Variants in XIRP2 observed in about 807,000 individuals in gnomAD.
The protein encoded by XIRP2 is xin actin-binding repeat-containing protein 2.
A neutral mutation model predicts 277.0 loss-of-function variants in XIRP2; 236 were observed. The observed-to-expected ratio is 0.85, with a 90% confidence interval of 0.77 to 0.95. XIRP2 has a LOEUF of 0.95. Ranked by LOEUF, XIRP2 falls within the 40% of genes least tolerant of loss-of-function variation. The probability of loss-of-function intolerance (pLI) is 0.00; values close to 1 mark genes in which losing one functional copy is unlikely to be tolerated. For synonymous variants in XIRP2, 1,490 were observed against 1,416.5 expected, an observed-to-expected ratio of 1.05 and a Z score of -1.17; for missense variants, 4,640 against 4,157.5, an observed-to-expected ratio of 1.12 and a Z score of -3.19.
At chr2:167,188,876 A>G (rs1693241862) in intron 3 of XIRP2, among the ~76,000 whole-genome samples, 1 of 152,194 alleles carries the variant, frequency 6.6e-6, no homozygotes, top group South Asian at 2.1e-4. Flanking sequence ...AACCACCTGA[A>G]AAATAAAATG....
At chr2:166,897,746 C>A (rs1436501553) in intron 1 of XIRP2, among the ~76,000 whole-genome samples, 1 of 152,040 alleles carries the variant, frequency 6.6e-6, no homozygotes, top group Non-Finnish European at 1.5e-5. Context: ...CAGGCTAGAG[C>A]TGACCCAGAG....
intron 2 of XIRP2, among the ~76,000 whole-genome samples, chr2:167,052,479 AC>A (rs1479147032): frequency 1.3e-5 from 2 of 152,144 alleles, no homozygotes; most frequent in Non-Finnish European, 2.9e-5. Flanking sequence ...TAAGTGGTTT[AC>A]CCAACATCAG....
intron 2 of XIRP2, among the ~76,000 whole-genome samples, chr2:167,135,360 A>G (rs1691514120): frequency 6.6e-6 from 1 of 151,938 alleles, no homozygotes; most frequent in Non-Finnish European, 1.5e-5. Flanking sequence ...TTATCTCTTC[A>G]CCTTTAAATT....
At chr2:167,122,205 A>G in intron 2 of XIRP2, among the ~76,000 whole-genome samples, 1 of 152,164 alleles carries the variant, frequency 6.6e-6, no homozygotes. Flanking sequence ...AATTGTACAC[A>G]TGCACATAGG....
intron 2 of XIRP2, among the ~76,000 whole-genome samples, chr2:166,995,703 C>G (rs1341023522): frequency 1.3e-5 from 2 of 152,132 alleles, no homozygotes; most frequent in African/African-American, 4.8e-5. Flanking sequence ...AAGTAATTTT[C>G]AAACACAAAT....
At chr2:167,038,487 A>C (rs115698326) in intron 2 of XIRP2, among the ~76,000 whole-genome samples, 3,406 of 151,738 alleles carry the variant, frequency 0.022, 100 homozygotes, top group East Asian at 0.075. Context: ...ATTATCCTAC[A>C]TATTGACATT....
intron 3 of XIRP2, among the ~76,000 whole-genome samples, chr2:167,197,797 T>C (rs911983616): frequency 6.6e-6 from 1 of 152,154 alleles, no homozygotes. Context: ...CCTCCCCTTA[T>C]CTTCTACTTC....
At position 167,258,946 on chromosome 2, in the gene XIRP2, C is replaced by G; in HGVS notation, c.*1129C>G. The G allele has an allele frequency of 6.2e-7, 1 of 1,613,030 alleles. No homozygotes were observed. ...CTGTGCAGCCTGCTCCAAAACCAAG[C>G]CTCAGCAGAGGCCTTATGGTAAAGG... On this transcript the variant is annotated 3_prime_UTR_variant, in exon 11 of 11. Transcript: ENST00000409195.
chr2:166,951,905 C>T (rs998157572), intron 2 of XIRP2, among the ~76,000 whole-genome samples: 4 of 152,152 alleles, frequency 2.6e-5, no homozygotes, highest in East Asian at 1.9e-4. Flanking sequence ...TGAGCCTCTG[C>T]GTCTCCTATG....
chr2:167,186,553 T>C (rs1177984505), intron 3 of XIRP2, among the ~76,000 whole-genome samples: 1 of 152,190 alleles, frequency 6.6e-6, no homozygotes, highest in Non-Finnish European at 1.5e-5. Context: ...ACTGAGAATG[T>C]ATGAGATGTT....
chr2:167,148,323 A>G (rs1378285471), intron 3 of XIRP2, among the ~76,000 whole-genome samples: 1 of 151,672 alleles, frequency 6.6e-6, no homozygotes, highest in Non-Finnish European at 1.5e-5. Flanking sequence ...CAGAGGTTGC[A>G]GTGAGCCGAG....
In XIRP2 at chr2:167,075,798, T is replaced by C. The variant is rs192314724; in HGVS notation, c.409-60111T>C. Among the ~76,000 whole-genome samples, 644 of 150,606 alleles carry C rather than the reference T, an allele frequency of 4.3e-3. 5 individuals carry two copies. The highest frequency in any genetic ancestry group is 0.014 in the Middle Eastern group (4 of 290). On this transcript the variant is annotated intron_variant, in intron 2 of 10. Transcript: ENST00000409195. ...CTGGGATTACAGGCACCTGCCACCA[T>C]GCCCAGCTAATTTTTTTTTTTTTTT...
chr2:167,015,271 T>C (rs1448779819), intron 2 of XIRP2, among the ~76,000 whole-genome samples: 1 of 151,918 alleles, frequency 6.6e-6, no homozygotes, highest in Non-Finnish European at 1.5e-5. Flanking sequence ...ATATTACTGC[T>C]AGTCAACATA....
At chr2:166,969,778 G>A (rs1177974057) in intron 2 of XIRP2, among the ~76,000 whole-genome samples, 1 of 151,548 alleles carries the variant, frequency 6.6e-6, no homozygotes, top group Admixed American at 6.6e-5. Context: ...ATAAACTGAT[G>A]CCAGAAAGCA....
chr2:166,907,930 C>A (rs1684573617), intron 2 of XIRP2, among the ~76,000 whole-genome samples: 1 of 152,094 alleles, frequency 6.6e-6, no homozygotes, highest in Non-Finnish European at 1.5e-5. Flanking sequence ...TGTGTCCCTA[C>A]AAAGGACATG....
intron 3 of XIRP2, among the ~76,000 whole-genome samples, chr2:167,207,090 T>G (rs955596515): frequency 5.3e-5 from 8 of 152,162 alleles, no homozygotes; most frequent in Non-Finnish European, 1.2e-4. Flanking sequence ...TATGAAAATT[T>G]TAGGATCATA....
chr2:167,145,191 C>T (rs1691829146), intron 3 of XIRP2, among the ~76,000 whole-genome samples: 1 of 152,046 alleles, frequency 6.6e-6, no homozygotes, highest in South Asian at 2.1e-4. Context: ...ATGTGTTAAA[C>T]ATTAAATCCA....
chr2:166,946,016 A>C (rs1355303181), intron 2 of XIRP2, among the ~76,000 whole-genome samples: 1 of 152,160 alleles, frequency 6.6e-6, no homozygotes, highest in African/African-American at 2.4e-5. Flanking sequence ...ACCTTGGTCC[A>C]CATCATTGCA....
chr2:167,069,391 A>C (rs1032274913), intron 2 of XIRP2, among the ~76,000 whole-genome samples: 12 of 152,202 alleles, frequency 7.9e-5, no homozygotes, highest in Non-Finnish European at 1.5e-4. Flanking sequence ...AACCCCTATA[A>C]GGCTCTAGCT....
Sources: allele counts gnomAD v4.1 joint callset (sites outside exome capture counted in the v4.1 genomes callset), GRCh38; gene constraint gnomAD v4.1.1; transcripts MANE v1.5; gene names NCBI Gene and HGNC (gene_info 2026-07-23, HGNC 2026-07-21).